The following CTNNA3 variants were observed in gnomAD, a reference collection of about 807,000 sequenced individuals.
CTNNA3 encodes the protein catenin alpha 3, also known as catenin alpha-3.
CTNNA3 carries 76 observed loss-of-function variants against 95.7 expected under a neutral mutation model. That is an observed-to-expected ratio of 0.79 (90% CI 0.66 to 0.96). The LOEUF is 0.96. CTNNA3 is among the 40% of genes least tolerant of loss of function. The pLI, the probability that CTNNA3 is intolerant of heterozygous loss-of-function variation, is 0.00. For synonymous variants in CTNNA3, 431 were observed against 374.4 expected (o/e 1.15, Z -1.74); for missense variants, 1,191 against 1,089.8 (o/e 1.09, Z -1.31).
At chr10:67,271,044 T>A (rs897573637) in intron 5 of CTNNA3, among the ~76,000 whole-genome samples, 3 of 152,148 alleles carry the variant, frequency 2.0e-5, no homozygotes, top group Non-Finnish European at 4.4e-5. Context: ...ATTCCAATAT[T>A]ATAAAAATGC....
At chr10:67,206,904 A>G (rs1589863413) in intron 6 of CTNNA3, among the ~76,000 whole-genome samples, 1 of 152,122 alleles carries the variant, frequency 6.6e-6, no homozygotes. Context: ...GCTGAGGCAG[A>G]TGGATTACTT....
intron 7 of CTNNA3, among the ~76,000 whole-genome samples, chr10:67,010,995 A>G (rs1316194771): frequency 6.6e-6 from 1 of 152,168 alleles, no homozygotes; most frequent in East Asian, 1.9e-4. Flanking sequence ...AAATCTATAA[A>G]ATCTCATATT....
At chr10:67,087,511 C>T (rs914099079) in intron 7 of CTNNA3, among the ~76,000 whole-genome samples, 1 of 151,396 alleles carries the variant, frequency 6.6e-6, no homozygotes, top group Non-Finnish European at 1.5e-5. Context: ...CATACCTTCT[C>T]TAATATAAAT....
At chr10:67,001,543 A>G (rs1564823505) in intron 7 of CTNNA3, among the ~76,000 whole-genome samples, 1 of 151,916 alleles carries the variant, frequency 6.6e-6, no homozygotes, top group African/African-American at 2.4e-5. Flanking sequence ...TTGAAGTAAA[A>G]CTTTCTAATT....
intron 5 of CTNNA3, among the ~76,000 whole-genome samples, chr10:67,504,451 A>AC (rs200963104): frequency 4.2e-5 from 6 of 143,528 alleles, no homozygotes; most frequent in African/African-American, 1.5e-4. Flanking sequence ...AAAAAAAAAA[A>AC]AAAAAAAAAC....
intron 11 of CTNNA3, among the ~76,000 whole-genome samples, chr10:66,453,021 C>T (rs1471964244): frequency 2.0e-5 from 3 of 151,536 alleles, no homozygotes; most frequent in African/African-American, 7.3e-5. Flanking sequence ...TGAGACCATC[C>T]TGGCTAACAC....
intron 13 of CTNNA3, among the ~76,000 whole-genome samples, chr10:66,280,245 G>A (rs2091469074): frequency 6.6e-6 from 1 of 151,992 alleles, no homozygotes; most frequent in South Asian, 2.1e-4. Flanking sequence ...TGCACACGCA[G>A]CAGTAAAATG....
chr10:67,304,476 AAAGT>A lies in CTNNA3; in HGVS notation c.580-84610_580-84607del, dbSNP rs777609640. 1.5e-4 allele frequency among the ~76,000 whole-genome samples: 23 copies of A among 152,334 alleles called. No individual in the cohort carries two copies. The East Asian group carries it at 3.7e-3, about 24-fold the overall frequency. On this transcript the variant is annotated intron_variant, in intron 5 of 17. Coordinates refer to ENST00000433211, the MANE Select transcript of CTNNA3 (RefSeq NM_013266.4). The stretch of plus-strand genomic sequence containing the variant: ...TTAAACTGAGCTTTGTTAGAAAATA[AAAGT>A]AAGACTGAAATAAATATTATCTGAT...
At chr10:67,012,638 C>T (rs1852408603) in intron 7 of CTNNA3, among the ~76,000 whole-genome samples, 1 of 152,094 alleles carries the variant, frequency 6.6e-6, no homozygotes, top group Non-Finnish European at 1.5e-5. Context: ...TTATACCCAA[C>T]ATACCTAAAG....
intron 10 of CTNNA3, among the ~76,000 whole-genome samples, chr10:66,594,265 C>T (rs943936831): frequency 6.6e-6 from 1 of 152,158 alleles, no homozygotes; most frequent in African/African-American, 2.4e-5. Flanking sequence ...AAAACATTTT[C>T]TCAATGTGAC....
intron 13 of CTNNA3, among the ~76,000 whole-genome samples, chr10:66,245,796 T>A (rs1267851812): frequency 1.3e-5 from 2 of 152,184 alleles, no homozygotes; most frequent in East Asian, 1.9e-4. Context: ...GAGGAGGCCA[T>A]AAAGTGGGCA....
intron 11 of CTNNA3, among the ~76,000 whole-genome samples, chr10:66,433,186 A>G (rs2093311153): frequency 6.6e-6 from 1 of 152,166 alleles, no homozygotes; most frequent in Non-Finnish European, 1.5e-5. Flanking sequence ...GCTGGGTCAA[A>G]TGGCATTTCT....
intron 1 of CTNNA3, among the ~76,000 whole-genome samples, chr10:67,758,412 CT>C (rs1841445646): frequency 6.6e-6 from 1 of 151,570 alleles, no homozygotes; most frequent in Non-Finnish European, 1.5e-5. Flanking sequence ...AGGAAAAAGA[CT>C]TGGTTTTCCT....
chr10:67,401,465 A>C (rs1844919343), intron 5 of CTNNA3, among the ~76,000 whole-genome samples: 1 of 152,166 alleles, frequency 6.6e-6, no homozygotes, highest in Non-Finnish European at 1.5e-5. Flanking sequence ...AGAAGAAGGA[A>C]GTTAGGCACC....
chr10:67,450,980 G>C (rs1049826685), intron 5 of CTNNA3, among the ~76,000 whole-genome samples: 1 of 152,076 alleles, frequency 6.6e-6, no homozygotes, highest in African/African-American at 2.4e-5. Flanking sequence ...TCATGTGTTA[G>C]AAACTTAAAC....
chr10:66,355,801 A>T (rs1236634329), intron 12 of CTNNA3, among the ~76,000 whole-genome samples: 1 of 152,004 alleles, frequency 6.6e-6, no homozygotes, highest in African/African-American at 2.4e-5. Context: ...ACAAAAATTT[A>T]TCCTATGTTT....
chr10:66,648,609 A>C (rs1845787564), intron 9 of CTNNA3, among the ~76,000 whole-genome samples: 1 of 152,212 alleles, frequency 6.6e-6, no homozygotes, highest in African/African-American at 2.4e-5. Flanking sequence ...TGACAAATTA[A>C]GATTTGCACA....
Position 66,283,507 on chromosome 10 carries a change from G to A in CTNNA3, c.1733-2886C>T, listed in dbSNP as rs111760008. Among the ~76,000 whole-genome samples, 1,110 of 151,844 alleles carry A rather than the reference G, an allele frequency of 7.3e-3. 17 individuals are homozygous for A. The highest frequency in any genetic ancestry group is 0.025 in the African/African-American group (1,049 of 41,512). ...TTTTTCACTGCCCTGTGAAGTAACTGCAAGAAAGATTTAAGGAATCTTACA... is the reference window on the plus strand; with the variant it reads ...TTTTTCACTGCCCTGTGAAGTAACTACAAGAAAGATTTAAGGAATCTTACA... On this transcript the variant is annotated intron_variant, in intron 12 of 17. Transcript: ENST00000433211.
chr10:67,639,207 A>G (rs555506775), intron 2 of CTNNA3, among the ~76,000 whole-genome samples: 72 of 152,358 alleles, frequency 4.7e-4, no homozygotes, highest in Middle Eastern at 3.4e-3. Flanking sequence ...ACAAACTACC[A>G]TCAGAGAATA....
Sources: gnomAD v4.1 joint callset for allele counts (sites outside exome capture counted in the v4.1 genomes callset) on GRCh38, gnomAD v4.1.1 for gene constraint, MANE v1.5 for transcripts, NCBI Gene and HGNC (gene_info 2026-07-23, HGNC 2026-07-21) for gene names.